The following GNA12 variants were observed in gnomAD, a reference collection of about 807,000 sequenced individuals.
GNA12 encodes the protein guanine nucleotide-binding protein subunit alpha-12.
A neutral mutation model predicts 26.0 loss-of-function variants in GNA12; 9 were observed. The ratio of observed to expected loss-of-function variants is 0.35; its 90% CI spans 0.21 to 0.60. GNA12 has a LOEUF of 0.60. GNA12 is among the 20% of genes least tolerant of loss of function. The pLI is 0.78. For synonymous variants in GNA12, 264 were observed against 219.6 expected, an observed-to-expected ratio of 1.20 and a Z score of -1.79; for missense variants, 405 against 525.8, an observed-to-expected ratio of 0.77 and a Z score of 2.25.
intron 1 of GNA12, among the ~76,000 whole-genome samples, chr7:2,803,098 G>A (rs76570498): frequency 2.0e-5 from 3 of 151,980 alleles, no homozygotes; most frequent in Non-Finnish European, 4.4e-5. Context: ...AACGAATGGG[G>A]AAAACCCAAA....
chr7:2,761,849 A>T (rs1363546608), intron 2 of GNA12, among the ~76,000 whole-genome samples: 1 of 152,204 alleles, frequency 6.6e-6, no homozygotes, highest in Non-Finnish European at 1.5e-5. Context: ...AGTACCTAAC[A>T]GCTCTTTAGG....
At chr7:2,770,151 C>G (rs1791912337) in intron 2 of GNA12, among the ~76,000 whole-genome samples, 1 of 152,202 alleles carries the variant, frequency 6.6e-6, no homozygotes, top group Admixed American at 6.5e-5. Flanking sequence ...ATAAACAAAC[C>G]TACAATGTAT....
chr7:2,761,829 G>C (rs1292347821), intron 2 of GNA12, among the ~76,000 whole-genome samples: 1 of 152,172 alleles, frequency 6.6e-6, no homozygotes, highest in East Asian at 1.9e-4. Flanking sequence ...TCATACCCTG[G>C]ATAGTGCTGA....
chr7:2,788,258 G>C (rs1471611542), intron 2 of GNA12, among the ~76,000 whole-genome samples: 1 of 152,206 alleles, frequency 6.6e-6, no homozygotes, highest in African/African-American at 2.4e-5. Flanking sequence ...CTGCTCAACA[G>C]CTCCTCCCCG....
intron 1 of GNA12, among the ~76,000 whole-genome samples, chr7:2,827,584 TGAG>T (rs1793513715): frequency 6.6e-6 from 1 of 152,068 alleles, no homozygotes; most frequent in Non-Finnish European, 1.5e-5. Flanking sequence ...ATAACCACGC[TGAG>T]GACAGTGGGG....
In GNA12 at chr7:2,731,378, A is replaced by G; in HGVS notation, c.949T>C (p.Phe317Leu). ...TVSIKKHFPD[F>L]RGDPHRLEDV... Reference sequence around the variant, plus strand: ...TCCAGCCTGTGCGGGTCGCCCCTGAAGTCCGGGAAGTGCTTCTTGATGCTC... The same window carrying G: ...TCCAGCCTGTGCGGGTCGCCCCTGAGGTCCGGGAAGTGCTTCTTGATGCTC... The change falls in exon 4 of 4, where the codon TTC (phenylalanine) becomes CTC (leucine). Residue 317 changes from phenylalanine (F) to leucine (L), a missense_variant. Coordinates refer to ENST00000275364, the MANE Select transcript of GNA12 (RefSeq NM_007353.3). This position sits in a 1 kb window ranked among gnomAD's most constrained non-coding sequence, Gnocchi z 6.0. 1.2e-6 allele frequency: 2 copies of G among 1,613,386 alleles called. No individual in the cohort carries two copies. The highest frequency in any genetic ancestry group is 1.7e-6 in the Non-Finnish European group (2 of 1,179,568).
chr7:2,810,619 G>T (rs765987945), intron 1 of GNA12, among the ~76,000 whole-genome samples: 1 of 152,114 alleles, frequency 6.6e-6, no homozygotes, highest in African/African-American at 2.4e-5. Flanking sequence ...AGAAAAGTCC[G>T]GGCACAGTGG....
chr7:2,768,722 A>AG (rs1726390069), intron 2 of GNA12, among the ~76,000 whole-genome samples: 1 of 151,626 alleles, frequency 6.6e-6, no homozygotes, highest in Admixed American at 6.6e-5. Flanking sequence ...GATAAAGGAG[A>AG]GTTCATTCCC....
In GNA12 at chr7:2,736,324, T is replaced by G. The variant is rs866971506; in HGVS notation, c.526-2823A>C. ...CAAAGTGGGCTCTCGGGACTCTCCT[T>G]GGTGTGAAAAACCTACACCACTCAA... On this transcript the variant is annotated intron_variant, in intron 2 of 3. Coordinates refer to ENST00000275364, the MANE Select transcript of GNA12 (RefSeq NM_007353.3). 2.0e-5 allele frequency among the ~76,000 whole-genome samples: 3 copies of G among 152,130 alleles called. 1 individual carries two copies. The South Asian group carries it at 6.2e-4, about 32-fold the overall frequency.
At chr7:2,838,739 A>T (rs58433760) in intron 1 of GNA12, among the ~76,000 whole-genome samples, 3,356 of 152,348 alleles carry the variant, frequency 0.022, 121 homozygotes, top group African/African-American at 0.077. Flanking sequence ...TAATAAAAAC[A>T]TAAGTGGCTA....
At chr7:2,781,909 C>G (rs1792239752) in intron 2 of GNA12, among the ~76,000 whole-genome samples, 1 of 152,158 alleles carries the variant, frequency 6.6e-6, no homozygotes. Context: ...ACTTTGAAAA[C>G]TTACTACAAA....
intron 2 of GNA12, among the ~76,000 whole-genome samples, chr7:2,788,530 C>A (rs997144728): frequency 1.3e-5 from 2 of 152,170 alleles, no homozygotes; most frequent in African/African-American, 4.8e-5. Flanking sequence ...TGACTGGCCA[C>A]AATTTCAAAA....
At chr7:2,738,998 G>C (rs1464591229) in intron 2 of GNA12, among the ~76,000 whole-genome samples, 1 of 152,152 alleles carries the variant, frequency 6.6e-6, no homozygotes, top group Non-Finnish European at 1.5e-5. Context: ...ACAGCAGTGA[G>C]ACCCCAGGAA....
At chr7:2,835,480 T>G in intron 1 of GNA12, 4 of 360,592 alleles carry the variant, frequency 1.1e-5, no homozygotes, top group Non-Finnish European at 2.1e-5. Context: ...TGTCCCAGCT[T>G]TTAGGGATCA....
chr7:2,773,841 A>T (rs533111137), intron 2 of GNA12, among the ~76,000 whole-genome samples: 1 of 152,340 alleles, frequency 6.6e-6, no homozygotes, highest in East Asian at 1.9e-4. Flanking sequence ...CATTTTTGTA[A>T]TGACGCTGAG....
In GNA12 at chr7:2,731,007, G is replaced by A. The variant is rs1363101605; in HGVS notation, c.*174C>T. 1.8e-6 allele frequency: 1 copy of A among 544,186 alleles called. No individual in the cohort carries two copies. Among genetic ancestry groups the A allele is most frequent in the African/African-American group, 1.9e-5 (1 of 53,310 alleles). The allele number at this position is 544,186 out of a possible 1,614,324, so 33.7% of individuals were successfully genotyped here. A position where few individuals can be genotyped will look rare whatever the true frequency, so the allele number is the denominator to read the frequency against. On this transcript the variant is annotated 3_prime_UTR_variant, in exon 4 of 4. Coordinates refer to ENST00000275364, the MANE Select transcript of GNA12 (RefSeq NM_007353.3). This position sits in a 1 kb window ranked among gnomAD's most constrained non-coding sequence, Gnocchi z 6.0. ...CAGTAGCTAACGTGACAGTTTCCAT[G>A]TCCTTTTGCCTAGAGCTCGCTGGCT...
At chr7:2,733,778 G>T (rs1393642735) in intron 2 of GNA12, among the ~76,000 whole-genome samples, 1 of 152,170 alleles carries the variant, frequency 6.6e-6, no homozygotes, top group Admixed American at 6.5e-5. Context: ...TGCGATGCAG[G>T]CCCCTCTGAT....
chr7:2,804,223 C>G (rs1260059122), intron 1 of GNA12, among the ~76,000 whole-genome samples: 1 of 152,202 alleles, frequency 6.6e-6, no homozygotes, highest in South Asian at 2.1e-4. Flanking sequence ...AAATTCAAGT[C>G]AGGATCTGCA....
At chr7:2,765,657 G>C (rs141233974) in intron 2 of GNA12, among the ~76,000 whole-genome samples, 3,532 of 151,414 alleles carry the variant, frequency 0.023, 104 homozygotes, top group Middle Eastern at 0.075. Flanking sequence ...TTGAGACAGA[G>C]TCTCACTCTG....
Sources: gnomAD v4.1 joint callset for allele counts (sites outside exome capture counted in the v4.1 genomes callset) on GRCh38, gnomAD v4.1.1 for gene constraint, Gnocchi (gnomAD v3.1) non-coding constraint, MANE v1.5 for transcripts, NCBI Gene and HGNC (gene_info 2026-07-23, HGNC 2026-07-21) for gene names.